The following DISP3 variants were observed in gnomAD, a reference collection of about 807,000 sequenced individuals.
The protein encoded by DISP3 is protein dispatched homolog 3.
Under a neutral mutation model 135.3 loss-of-function variants are expected in DISP3, and 101 were observed. The observed-to-expected ratio is 0.75, with a 90% confidence interval of 0.64 to 0.88. The LOEUF (loss-of-function observed/expected upper bound fraction) is 0.88. Among genes scored for constraint, DISP3 ranks in the 40% least tolerant of loss-of-function variants. The pLI, the probability that DISP3 is intolerant of heterozygous loss-of-function variation, is 0.00. For synonymous variants in DISP3, 856 were observed against 817.0 expected, an observed-to-expected ratio of 1.05 and a Z score of -0.81; for missense variants, 1,713 against 1,878.6, an observed-to-expected ratio of 0.91 and a Z score of 1.63.
intron 12 of DISP3, 29 bp downstream of exon 12, chr1:11,525,341 G>T: frequency 6.3e-7 from 1 of 1,599,202 alleles, no homozygotes; most frequent in Non-Finnish European, 8.5e-7. Context: ...GAAGTGAGCC[G>T]CCACCACTGT....
Position 11,536,335 on chromosome 1 carries a change from G to C in DISP3, c.3828G>C (p.Thr1276=). The C allele has an allele frequency of 6.2e-7, 1 of 1,600,464 alleles. No individual in the cohort carries two copies. The highest frequency in any genetic ancestry group is 1.1e-5 in the South Asian group (1 of 90,936). Residue 1276 remains threonine, a synonymous_variant, in exon 21 of 21, where the codon ACG becomes ACC. Coordinates refer to ENST00000294484, the MANE Select transcript of DISP3 (RefSeq NM_020780.2). This position sits in a 1 kb window ranked among gnomAD's most constrained non-coding sequence, Gnocchi z 4.3. ...LPPHQAEDAR[T]QRQWRTLEAV... ...CCTCTTGCCCCCAGGACGCCCGAAC[G>C]CAGCGCCAGTGGCGTACGCTGGAGG...
rs752240590 is a variant in DISP3, at chr1:11,535,135, G to T, written c.3649+11G>T. 1.3e-6 allele frequency: 2 copies of T among 1,589,704 alleles called. No homozygotes were observed. The highest frequency in any genetic ancestry group is 1.1e-5 in the South Asian group (1 of 87,594). ...TCCTCAGCATCTTGGGTACGTGGGC[G>T]AGGGGCTGGCAGGCACCCTGCTGGT... On this transcript the variant is annotated intron_variant, in intron 19 of 20. Coordinates refer to ENST00000294484, the MANE Select transcript of DISP3 (RefSeq NM_020780.2).
At position 11,534,253 on chromosome 1, in the gene DISP3, C is replaced by T. The variant is rs1472457426; in HGVS notation, c.3376-128C>T. On this transcript the variant is annotated intron_variant, in intron 17 of 20. Coordinates refer to ENST00000294484, the MANE Select transcript of DISP3 (RefSeq NM_020780.2). ...GGTGGGGACTCATTTTGGATTGAAT[C>T]GTTGTTCACACCCTCCCCAACACAC... 36 of 1,147,646 alleles carry T rather than the reference C, an allele frequency of 3.1e-5. No individual in the cohort carries two copies. In the East Asian group the frequency reaches 7.3e-4, roughly 23 times the overall value. 71.1% of individuals were successfully genotyped at this position (1,147,646 alleles called of 1,614,324 possible).
intron 1 of DISP3, among the ~76,000 whole-genome samples, chr1:11,485,314 GTC>G (rs1331429798): frequency 2.0e-5 from 3 of 152,208 alleles, no homozygotes; most frequent in African/African-American, 7.2e-5. Flanking sequence ...TGAGCTTGAT[GTC>G]TTGGTAGGAG....
chr1:11,493,963 G>A (rs1641260382), intron 1 of DISP3, among the ~76,000 whole-genome samples: 1 of 152,244 alleles, frequency 6.6e-6, no homozygotes. Flanking sequence ...CGAGTGATCT[G>A]TGGTCTTATG....
At chr1:11,518,410 G>T (rs372803606) in intron 7 of DISP3, among the ~76,000 whole-genome samples, 5 of 152,234 alleles carry the variant, frequency 3.3e-5, no homozygotes, top group African/African-American at 4.8e-5. Context: ...GGTGGTGCAG[G>T]TTGGCACTGC....
intron 3 of DISP3, among the ~76,000 whole-genome samples, chr1:11,508,655 A>G (rs1360922879): frequency 3.3e-5 from 5 of 151,850 alleles, no homozygotes; most frequent in Non-Finnish European, 7.4e-5. Context: ...TTTAATTTTC[A>G]TGAGCACATA....
chr1:11,510,974 A>G (rs1435005548), intron 3 of DISP3, among the ~76,000 whole-genome samples: 1 of 152,220 alleles, frequency 6.6e-6, no homozygotes, highest in Non-Finnish European at 1.5e-5. Flanking sequence ...GGAAAAAGCA[A>G]AAGCAGAAAC....
intron 1 of DISP3, among the ~76,000 whole-genome samples, chr1:11,487,028 A>G (rs148213789): frequency 1.3e-3 from 200 of 152,340 alleles, no homozygotes; most frequent in Middle Eastern, 3.4e-3. Context: ...GCAAGCACCA[A>G]TAAGTGAATG....
At chr1:11,530,649 G>A (rs1642552668) in intron 15 of DISP3, among the ~76,000 whole-genome samples, 1 of 152,118 alleles carries the variant, frequency 6.6e-6, no homozygotes, top group African/African-American at 2.4e-5. Flanking sequence ...GTCCAGGTGA[G>A]AAGGTGGTGA....
chr1:11,534,210 A>T (rs534375973), intron 17 of DISP3, among the ~76,000 whole-genome samples, 171 bp from the exon 18 acceptor site: 42 of 152,322 alleles, frequency 2.8e-4, no homozygotes, highest in African/African-American at 1.0e-3. Flanking sequence ...TCACAACCAC[A>T]TGATGCCTCC....
In DISP3 at chr1:11,512,762, C is replaced by T. The variant is rs531228837; in HGVS notation, c.1317-1628C>T. 1.2e-4 allele frequency among the ~76,000 whole-genome samples: 19 copies of T among 152,204 alleles called. 1 individual carries two copies. The South Asian group carries it at 3.7e-3, about 30-fold the overall frequency. On this transcript the variant is annotated intron_variant, in intron 3 of 20. Coordinates refer to ENST00000294484, the MANE Select transcript of DISP3 (RefSeq NM_020780.2). ...CTGGTACCAATTTACTGTATTAGTC[C>T]GTTTTCATGCTGCTGATAAAGACAT...
intron 1 of DISP3, among the ~76,000 whole-genome samples, chr1:11,490,694 G>T (rs1641160031): frequency 6.6e-6 from 1 of 152,194 alleles, no homozygotes; most frequent in African/African-American, 2.4e-5. Context: ...GCAGGGGCAG[G>T]AGGTGGCCAG....
intron 1 of DISP3, among the ~76,000 whole-genome samples, chr1:11,485,677 T>C (rs1450887293): frequency 6.6e-6 from 1 of 152,200 alleles, no homozygotes; most frequent in East Asian, 1.9e-4. Context: ...CTGATGATAA[T>C]GATCATGATA....
At chr1:11,534,981 A>G (rs2076467) in intron 18 of DISP3, 30 bp from the exon 19 acceptor site, 231,528 of 1,537,388 alleles carry the variant, frequency 0.15, 18,697 homozygotes, top group East Asian at 0.25. Context: ...CCCACACAGC[A>G]GCGCACTGAG....
chr1:11,502,604 C>G (rs546172544), intron 2 of DISP3, 74 bp from the exon 3 acceptor site: 1 of 1,222,762 alleles, frequency 8.2e-7, no homozygotes, highest in Non-Finnish European at 1.2e-6. Flanking sequence ...TGCAATGAGA[C>G]TGGATGACCT....
rs1039143602 is a variant in DISP3, at chr1:11,535,632, C to G, written c.3804C>G (p.Pro1268=). The G allele has an allele frequency of 6.2e-6, 10 of 1,612,148 alleles. No individual in the cohort carries two copies. The highest frequency in any genetic ancestry group is 2.7e-5 in the African/African-American group (2 of 74,896). Residue 1268 remains proline (P), a synonymous_variant, in exon 20 of 21, where the codon CCC becomes CCG. Coordinates refer to ENST00000294484, the MANE Select transcript of DISP3 (RefSeq NM_020780.2). ...TGCTGGCTGGAGAGAACCTGCCCCC[C>G]CACCAGGCCGAGGTGCGCACCCTGC... ...GYLLAGENLP[P]HQAEDARTQR... is the part of the protein sequence containing the mutation.
intron 1 of DISP3, chr1:11,482,027 T>A (rs993133199): frequency 6.6e-6 from 1 of 152,206 alleles, no homozygotes; most frequent in Non-Finnish European, 1.5e-5. Context: ...AATGAATGAA[T>A]GGACAAATGA....
intron 1 of DISP3, among the ~76,000 whole-genome samples, chr1:11,496,676 G>T (rs189845465): frequency 3.6e-4 from 55 of 152,356 alleles, no homozygotes; most frequent in African/African-American, 1.2e-3. Flanking sequence ...CCTGCGGAGG[G>T]AGGTGCTGGC....
Sources: allele counts gnomAD v4.1 joint callset (sites outside exome capture counted in the v4.1 genomes callset), GRCh38; gene constraint gnomAD v4.1.1; non-coding constraint Gnocchi (gnomAD v3.1); transcripts MANE v1.5; gene names NCBI Gene and HGNC (gene_info 2026-07-23, HGNC 2026-07-21).